The following PGM1 variants were observed in gnomAD, a reference collection of about 807,000 sequenced individuals.
PGM1 encodes phosphoglucomutase-1.
PGM1 carries 52 observed loss-of-function variants against 55.6 expected under a neutral mutation model. That is an observed-to-expected ratio of 0.94 (90% CI 0.75 to 1.18). The LOEUF (loss-of-function observed/expected upper bound fraction) is 1.18, where lower values mean the gene tolerates loss of function less well. Among genes scored for constraint, PGM1 ranks in the 50% most tolerant of loss-of-function variants. PGM1 has a pLI of 0.00. For missense variants in PGM1, 724 were observed against 729.3 expected (o/e 0.99, Z 0.08); for synonymous variants, 287 against 271.7 (o/e 1.06, Z -0.55).
chr1:63,651,751 G>A lies in PGM1; in HGVS notation c.1363G>A (p.Val455Met). ...GGCCCTGATGTTTGATCGCTCCTTT[G>A]TGGGGAAGCAGTTCTCAGCAAATGA... ...LEALMFDRSF[V>M]GKQFSANDKV... Residue 455 changes from valine (V) to methionine (M), a missense_variant, in exon 9 of 11, where the codon GTG (valine) becomes ATG (methionine). Coordinates refer to ENST00000371084, the MANE Select transcript of PGM1 (RefSeq NM_002633.3). 1 of 1,613,910 alleles carries A rather than the reference G, an allele frequency of 6.2e-7. No homozygotes were observed. The highest frequency in any genetic ancestry group is 8.5e-7 in the Non-Finnish European group (1 of 1,179,848).
chr1:63,653,167 C>T (rs964140623), intron 9 of PGM1, among the ~76,000 whole-genome samples: 1 of 152,138 alleles, frequency 6.6e-6, no homozygotes, highest in African/African-American at 2.4e-5. Flanking sequence ...AAAGCAGCTG[C>T]CCCACTTTCT....
At chr1:63,655,255 T>A (rs1437327136) in intron 10 of PGM1, among the ~76,000 whole-genome samples, 1 of 151,990 alleles carries the variant, frequency 6.6e-6, no homozygotes, top group African/African-American at 2.4e-5. Context: ...GCTGGGATTA[T>A]ATGTGTGAGC....
chr1:63,614,657 A>G (rs1648661848), intron 1 of PGM1, among the ~76,000 whole-genome samples: 1 of 152,158 alleles, frequency 6.6e-6, no homozygotes, highest in Non-Finnish European at 1.5e-5. Flanking sequence ...GGGTTGGCTG[A>G]ATCAAATCTA....
chr1:63,627,520 G>A (rs1300383932), intron 1 of PGM1, among the ~76,000 whole-genome samples: 1 of 152,094 alleles, frequency 6.6e-6, no homozygotes, highest in Non-Finnish European at 1.5e-5. Flanking sequence ...TCCCAAGAAA[G>A]AGCCTGATCT....
At chr1:63,616,357 A>T (rs1385635458) in intron 1 of PGM1, among the ~76,000 whole-genome samples, 1 of 152,166 alleles carries the variant, frequency 6.6e-6, no homozygotes. Context: ...CACATCTTCA[A>T]ATTGAGGAGA....
chr1:63,613,373 C>T (rs936039975), intron 1 of PGM1, among the ~76,000 whole-genome samples: 2 of 149,254 alleles, frequency 1.3e-5, no homozygotes, highest in Non-Finnish European at 2.9e-5. Context: ...CTTCTGGCAG[C>T]TTAGAAGTCT....
At chr1:63,612,852 G>C (rs1433548706) in intron 1 of PGM1, among the ~76,000 whole-genome samples, 1 of 152,176 alleles carries the variant, frequency 6.6e-6, no homozygotes, top group African/African-American at 2.4e-5. Flanking sequence ...TGTGATTAGG[G>C]GAGTAATTTT....
intron 9 of PGM1, among the ~76,000 whole-genome samples, chr1:63,653,865 AC>A (rs1194623249): frequency 2.0e-5 from 3 of 151,940 alleles, no homozygotes; most frequent in Non-Finnish European, 4.4e-5. Flanking sequence ...TCTTTTGAGG[AC>A]CTTTGCTAGT....
rs768455106 is a variant in PGM1 at position 63,648,552 on chromosome 1, G to C, written c.1180G>C (p.Ala394Pro). ...CATCCGTGAGAAAGATGGACTGTGG[G>C]CTGTCCTTGCCTGGCTCTCCATCCT... ...DHIREKDGLW[A>P]VLAWLSILAT... The change falls in exon 8 of 11, where the codon GCT becomes CCT. Residue 394 changes from alanine to proline, a missense_variant. Coordinates refer to ENST00000371084, the MANE Select transcript of PGM1 (RefSeq NM_002633.3). 3.1e-6 allele frequency: 5 copies of C among 1,613,872 alleles called. No homozygotes were observed. The Admixed American group carries it at 8.3e-5, about 27-fold the overall frequency.
At chr1:63,598,920 G>A (rs908947485) in intron 1 of PGM1, among the ~76,000 whole-genome samples, 5 of 152,206 alleles carry the variant, frequency 3.3e-5, no homozygotes, top group Non-Finnish European at 7.3e-5. Context: ...GAACTCCACT[G>A]TCTCCCGCTT....
At chr1:63,646,153 T>C (rs1012366539) in intron 7 of PGM1, among the ~76,000 whole-genome samples, 2 of 152,172 alleles carry the variant, frequency 1.3e-5, no homozygotes, top group Admixed American at 6.5e-5. Flanking sequence ...ATACCCAGCA[T>C]GGTGCTAGAT....
At chr1:63,639,171 G>A (rs748266642) in intron 7 of PGM1, among the ~76,000 whole-genome samples, 9 of 151,964 alleles carry the variant, frequency 5.9e-5, no homozygotes, top group Admixed American at 3.9e-4. Context: ...GGAGCAAGTC[G>A]GTTTTTTGTT....
At chr1:63,637,819 A>G (rs916762656) in intron 6 of PGM1, among the ~76,000 whole-genome samples, 2 of 152,192 alleles carry the variant, frequency 1.3e-5, no homozygotes, top group Non-Finnish European at 1.5e-5. Flanking sequence ...GAAGTACCTC[A>G]TTACCCAGAT....
intron 1 of PGM1, chr1:63,593,966 G>A: frequency 3.3e-6 from 4 of 1,197,854 alleles, no homozygotes; most frequent in Non-Finnish European, 4.1e-6. Flanking sequence ...CCTGACTCCC[G>A]GGGCGCCGGG....
intron 10 of PGM1, among the ~76,000 whole-genome samples, chr1:63,658,542 C>T (rs1334942991): frequency 3.3e-5 from 5 of 151,850 alleles, no homozygotes; most frequent in African/African-American, 4.8e-5. Context: ...CACCTGAGGT[C>T]GGGAGTTCAA....
At chr1:63,596,245 TTTC>T (rs1239028130) in intron 1 of PGM1, among the ~76,000 whole-genome samples, 8 of 148,386 alleles carry the variant, frequency 5.4e-5, no homozygotes, top group Admixed American at 1.3e-4. Context: ...TTCTTTCTTT[TTTC>T]TTCTTCTTTT....
At chr1:63,626,877 C>A (rs1433153670) in intron 1 of PGM1, among the ~76,000 whole-genome samples, 1 of 152,094 alleles carries the variant, frequency 6.6e-6, no homozygotes, top group East Asian at 1.9e-4. Flanking sequence ...CCATCTTTCC[C>A]TCTTCTGAGC....
chr1:63,611,893 A>T (rs1648576811), intron 1 of PGM1, among the ~76,000 whole-genome samples: 1 of 151,614 alleles, frequency 6.6e-6, no homozygotes, highest in Admixed American at 6.6e-5. Context: ...ACAGAGCGAG[A>T]CTCCTTCTCA....
chr1:63,599,366 A>G (rs1425225960), intron 1 of PGM1, among the ~76,000 whole-genome samples: 5 of 152,004 alleles, frequency 3.3e-5, no homozygotes, highest in African/African-American at 1.2e-4. Context: ...AGGTTTCACC[A>G]TGTTGGCCAG....
Sources: gnomAD v4.1 joint callset for allele counts (sites outside exome capture counted in the v4.1 genomes callset) on GRCh38, gnomAD v4.1.1 for gene constraint, MANE v1.5 for transcripts, NCBI Gene and HGNC (gene_info 2026-07-23, HGNC 2026-07-21) for gene names.